Variants in FHIT observed in about 807,000 individuals in gnomAD.
FHIT encodes the protein fragile histidine triad diadenosine triphosphatase, also known as bis(5'-adenosyl)-triphosphatase.
A neutral mutation model predicts 17.9 loss-of-function variants in FHIT; 19 were observed. That is an observed-to-expected ratio of 1.06 (90% CI 0.74 to 1.56). FHIT has a LOEUF of 1.56. Ranked by LOEUF, FHIT falls within the 40% of genes most tolerant of loss-of-function variation. FHIT has a pLI of 0.00. For synonymous variants in FHIT, 81 were observed against 69.7 expected, an observed-to-expected ratio of 1.16 and a Z score of -0.81; for missense variants, 248 against 189.2, an observed-to-expected ratio of 1.31 and a Z score of -1.82.
At chr3:60,671,735 T>C (rs1186681069) in intron 4 of FHIT, among the ~76,000 whole-genome samples, 2 of 150,106 alleles carry the variant, frequency 1.3e-5, no homozygotes, top group Non-Finnish European at 3.0e-5. Context: ...AGGTCAGGAG[T>C]TCGTGACCAG....
intron 5 of FHIT, among the ~76,000 whole-genome samples, chr3:60,481,786 G>C (rs1376444850): frequency 1.3e-5 from 2 of 152,102 alleles, no homozygotes; most frequent in African/African-American, 4.8e-5. Context: ...AAAATAACTA[G>C]ATAGCATCAT....
At chr3:60,965,131 T>C (rs1472935405) in intron 3 of FHIT, among the ~76,000 whole-genome samples, 1 of 152,062 alleles carries the variant, frequency 6.6e-6, no homozygotes, top group Non-Finnish European at 1.5e-5. Context: ...TGTTCATTTC[T>C]TTTTACTCTT....
At chr3:60,216,737 A>G (rs1703716342) in intron 5 of FHIT, among the ~76,000 whole-genome samples, 2 of 152,326 alleles carry the variant, frequency 1.3e-5, no homozygotes, top group African/African-American at 4.8e-5. Flanking sequence ...GTCTTAGGCT[A>G]TCACCTAAGC....
chr3:60,039,686 A>G (rs1036508406), intron 5 of FHIT, among the ~76,000 whole-genome samples: 1 of 152,244 alleles, frequency 6.6e-6, no homozygotes, highest in African/African-American at 2.4e-5. Flanking sequence ...AAATAGTCCT[A>G]TAAAGTGTTC....
At chr3:60,866,395 T>C (rs1253629212) in intron 3 of FHIT, among the ~76,000 whole-genome samples, 3 of 152,148 alleles carry the variant, frequency 2.0e-5, no homozygotes, top group African/African-American at 7.2e-5. Flanking sequence ...TGGCTGTCTC[T>C]GGAGGAAGCC....
intron 3 of FHIT, among the ~76,000 whole-genome samples, chr3:60,915,709 G>A (rs1019496113): frequency 6.6e-6 from 1 of 152,136 alleles, no homozygotes; most frequent in Non-Finnish European, 1.5e-5. Flanking sequence ...AAACTTTTAG[G>A]TGTTCTAAAA....
At chr3:60,091,889 G>A (rs915113430) in intron 5 of FHIT, among the ~76,000 whole-genome samples, 18 of 152,048 alleles carry the variant, frequency 1.2e-4, no homozygotes, top group Non-Finnish European at 1.5e-4. Context: ...AGAACTGTGA[G>A]CCAATTAAAC....
At chr3:59,784,320 C>A (rs1199813293) in intron 8 of FHIT, among the ~76,000 whole-genome samples, 1 of 152,212 alleles carries the variant, frequency 6.6e-6, no homozygotes, top group Non-Finnish European at 1.5e-5. Flanking sequence ...TCTCAGTATC[C>A]ATTCTCTCAC....
At chr3:60,187,863 T>C (rs951444070) in intron 5 of FHIT, among the ~76,000 whole-genome samples, 40 of 152,186 alleles carry the variant, frequency 2.6e-4, no homozygotes, top group African/African-American at 9.4e-4. Context: ...ATCACTCCTC[T>C]GTTTTATGGT....
chr3:60,182,932 A>T (rs1021861883), intron 5 of FHIT, among the ~76,000 whole-genome samples: 2 of 152,030 alleles, frequency 1.3e-5, no homozygotes, highest in Admixed American at 6.5e-5. Flanking sequence ...AAAAAGAAAA[A>T]AAAGAAAAAA....
intron 5 of FHIT, among the ~76,000 whole-genome samples, chr3:60,199,986 A>G (rs1218655085): frequency 6.6e-6 from 1 of 152,178 alleles, no homozygotes; most frequent in African/African-American, 2.4e-5. Flanking sequence ...TTTATTCTGC[A>G]TTTGTTGTAC....
At chr3:59,754,773 A>G (rs965469243) in intron 8 of FHIT, among the ~76,000 whole-genome samples, 31 of 152,200 alleles carry the variant, frequency 2.0e-4, no homozygotes, top group African/African-American at 7.0e-4. Flanking sequence ...AATAATAGGA[A>G]ATAAATAAAA....
intron 5 of FHIT, among the ~76,000 whole-genome samples, chr3:60,418,033 C>G (rs1010515541): frequency 1.3e-5 from 2 of 152,086 alleles, no homozygotes; most frequent in African/African-American, 2.4e-5. Context: ...ACAGATAAAG[C>G]AGGCAAGGTT....
chr3:59,921,239 T>C (rs1349871196), intron 8 of FHIT, among the ~76,000 whole-genome samples: 1 of 152,212 alleles, frequency 6.6e-6, no homozygotes, highest in East Asian at 1.9e-4. Context: ...CTATTGTTCT[T>C]TATTTTCAGG....
chr3:59,780,605 C>T (rs1308203717), intron 8 of FHIT, among the ~76,000 whole-genome samples: 7 of 152,140 alleles, frequency 4.6e-5, no homozygotes, highest in Non-Finnish European at 8.8e-5. Context: ...AGGGCCTTCG[C>T]AGAGGTGATT....
At chr3:61,221,496 A>T (rs1218784214) in intron 1 of FHIT, among the ~76,000 whole-genome samples, 1 of 152,218 alleles carries the variant, frequency 6.6e-6, no homozygotes, top group Non-Finnish European at 1.5e-5. Flanking sequence ...GACCTCAGAT[A>T]GCCTTAGACT....
At chr3:61,181,336 A>G (rs372485918) in intron 2 of FHIT, among the ~76,000 whole-genome samples, 3 of 152,352 alleles carry the variant, frequency 2.0e-5, no homozygotes, top group African/African-American at 7.2e-5. Context: ...CAATATTTGT[A>G]TCTACAAGAA....
chr3:60,918,987 T>TA (rs1405353040), intron 3 of FHIT, among the ~76,000 whole-genome samples: 1 of 151,730 alleles, frequency 6.6e-6, no homozygotes, highest in Non-Finnish European at 1.5e-5. Context: ...CTTCTATGGG[T>TA]AAAAAAAAGG....
intron 5 of FHIT, chr3:60,536,650 A>T (rs564017795): frequency 2.2e-6 from 1 of 460,830 alleles, no homozygotes; most frequent in African/African-American, 2.0e-5. Flanking sequence ...AAGTTCTGCA[A>T]CATTGATCAA....
Sources: allele counts gnomAD v4.1 joint callset (sites outside exome capture counted in the v4.1 genomes callset), GRCh38; gene constraint gnomAD v4.1.1; transcripts MANE v1.5; gene names NCBI Gene and HGNC (gene_info 2026-07-23, HGNC 2026-07-21).